SMYD3: variants seen among roughly 807,000 people sequenced by gnomAD.
SMYD3 encodes histone-lysine N-methyltransferase SMYD3.
Under a neutral mutation model 57.7 loss-of-function variants are expected in SMYD3, and 36 were observed. The observed-to-expected ratio is 0.62, with a 90% CI of 0.48 to 0.82. SMYD3 has a LOEUF of 0.82. SMYD3 is among the 40% of genes least tolerant of loss of function. The pLI is 0.00. For missense variants in SMYD3, 515 were observed against 538.8 expected, an observed-to-expected ratio of 0.96 and a Z score of 0.44; for synonymous variants, 211 against 195.0, an observed-to-expected ratio of 1.08 and a Z score of -0.68.
intron 11 of SMYD3, among the ~76,000 whole-genome samples, chr1:245,754,201 A>C (rs1442254307): frequency 6.6e-6 from 1 of 152,218 alleles, no homozygotes; most frequent in African/African-American, 2.4e-5. Flanking sequence ...TCATATATTA[A>C]ATAAAATGAA....
At position 245,850,916 on chromosome 1, in the gene SMYD3, G is replaced by A. The variant is rs147604951; in HGVS notation, c.1076+7580C>T. 5.2e-3 allele frequency among the ~76,000 whole-genome samples: 798 copies of A among 152,208 alleles called. 15 individuals are homozygous for A. Among genetic ancestry groups the A allele is most frequent in the Admixed American group, 0.032 (492 of 15,300 alleles). On this transcript the variant is annotated intron_variant, in intron 10 of 11. Transcript: ENST00000490107. ...CCAAGGCCTGAGCATGCTGGCCCTG[G>A]CTTCTGGGTACCCTTCCAGCTCAGA...
intron 1 of SMYD3, among the ~76,000 whole-genome samples, chr1:246,462,861 TTTAA>T (rs535560088): frequency 6.6e-6 from 1 of 151,900 alleles, no homozygotes; most frequent in Non-Finnish European, 1.5e-5. Flanking sequence ...CAAAATACAT[TTTAA>T]TTGAGTAGAA....
chr1:246,106,225 T>C (rs1462018509), intron 5 of SMYD3, among the ~76,000 whole-genome samples: 3 of 152,204 alleles, frequency 2.0e-5, no homozygotes, highest in Non-Finnish European at 4.4e-5. Flanking sequence ...CATTACATTG[T>C]AGACATCCTT....
At chr1:245,768,661 G>A (rs1039642283) in intron 10 of SMYD3, among the ~76,000 whole-genome samples, 2 of 152,208 alleles carry the variant, frequency 1.3e-5, no homozygotes, top group Non-Finnish European at 2.9e-5. Context: ...AGGTGATTAG[G>A]TCATCAAGGC....
At chr1:246,136,634 A>G (rs548079438) in intron 5 of SMYD3, among the ~76,000 whole-genome samples, 2 of 152,342 alleles carry the variant, frequency 1.3e-5, no homozygotes, top group Admixed American at 6.5e-5. Context: ...CATAACAACC[A>G]GTAGGCAAGA....
At chr1:246,481,804 G>A (rs1558484761) in intron 1 of SMYD3, among the ~76,000 whole-genome samples, 1 of 149,612 alleles carries the variant, frequency 6.7e-6, no homozygotes, top group Admixed American at 6.7e-5. Flanking sequence ...GAGATCGATC[G>A]ATCGATCAAT....
chr1:246,359,650 T>C (rs1178260063), intron 1 of SMYD3, among the ~76,000 whole-genome samples: 1 of 152,224 alleles, frequency 6.6e-6, no homozygotes, highest in African/African-American at 2.4e-5. Context: ...GATGCACGGA[T>C]GGCTTAACAT....
chr1:245,844,605 C>CTTT (rs34767057), intron 10 of SMYD3, among the ~76,000 whole-genome samples: 39,118 of 147,664 alleles, frequency 0.26, 5,670 homozygotes, highest in East Asian at 0.53. Flanking sequence ...TCCTTGGTTT[C>CTTT]TTTTTTTTTT....
rs141298520 is a variant in SMYD3 at position 245,880,747 on chromosome 1, AT to A, written c.814-16862del. The stretch of plus-strand genomic sequence containing the variant: ...TCTCTGCTACACCACACTGCCTCAA[AT>A]ATTCAAGTACTTGAAGACTGGTAGG... On this transcript the variant is annotated intron_variant, in intron 8 of 11. Transcript: ENST00000490107. Among the ~76,000 whole-genome samples the A allele has an allele frequency of 4.4e-3, 677 of 152,318 alleles. 7 individuals carry two copies. Among genetic ancestry groups the A allele is most frequent in the African/African-American group, 0.016 (654 of 41,574 alleles).
intron 5 of SMYD3, among the ~76,000 whole-genome samples, chr1:245,955,677 G>T (rs1342185098): frequency 6.6e-6 from 1 of 152,054 alleles, no homozygotes; most frequent in African/African-American, 2.4e-5. Flanking sequence ...AAACTTTATT[G>T]TAAGTATGTA....
Position 246,202,110 on chromosome 1 carries a change from T to C in SMYD3, c.531+125091A>G, listed in dbSNP as rs2062931678. ...TGTACTGCAAAATAATAATTATTAT[T>C]TCTAGATGGTGAGCTAATGGGTGAT... On this transcript the variant is annotated intron_variant, in intron 5 of 11. Transcript: ENST00000490107. This position sits in a 1 kb window ranked among gnomAD's most constrained non-coding sequence, Gnocchi z 4.1. Among the ~76,000 whole-genome samples, 1 of 152,146 alleles carries C rather than the reference T, an allele frequency of 6.6e-6. No homozygotes were observed. The highest frequency in any genetic ancestry group is 2.4e-5 in the African/African-American group (1 of 41,458).
At chr1:246,058,488 C>T (rs1055255050) in intron 5 of SMYD3, among the ~76,000 whole-genome samples, 14 of 152,270 alleles carry the variant, frequency 9.2e-5, no homozygotes, top group Admixed American at 1.3e-4. Context: ...TGAAGCAGCA[C>T]GTTATCTTAC....
intron 5 of SMYD3, among the ~76,000 whole-genome samples, chr1:246,288,174 A>G (rs1211213074): frequency 7.0e-6 from 1 of 143,370 alleles, no homozygotes; most frequent in African/African-American, 2.6e-5. Flanking sequence ...CCCAAGTTCA[A>G]GCGATTCTTC....
At chr1:246,248,631 C>CTTGTTTTTTGTTTTTTT (rs1309872022) in intron 5 of SMYD3, among the ~76,000 whole-genome samples, 1 of 119,270 alleles carries the variant, frequency 8.4e-6, no homozygotes, top group African/African-American at 3.4e-5. Context: ...AGCTCTCTGA[C>CTTGTTTTTTGTTTTTTT]TTTCCTTTTT....
At chr1:246,370,206 C>T (rs964577722) in intron 1 of SMYD3, among the ~76,000 whole-genome samples, 2 of 152,206 alleles carry the variant, frequency 1.3e-5, no homozygotes, top group African/African-American at 2.4e-5. Context: ...CATCGCATAA[C>T]GTCCCGGGTG....
At chr1:246,128,941 C>T (rs868048492) in intron 5 of SMYD3, among the ~76,000 whole-genome samples, 1 of 151,992 alleles carries the variant, frequency 6.6e-6, no homozygotes, top group African/African-American at 2.4e-5. Context: ...GTAGCTGGAA[C>T]TACAAGCACA....
intron 11 of SMYD3, among the ~76,000 whole-genome samples, chr1:245,758,936 C>T (rs772848091): frequency 2.6e-5 from 4 of 152,158 alleles, no homozygotes; most frequent in Non-Finnish European, 5.9e-5. Context: ...TTTACCTCAA[C>T]CTGCTTTAGC....
chr1:246,384,666 A>G lies in SMYD3; in HGVS notation c.165-29572T>C, dbSNP rs547260457. ...CCCGCCTCGGCCTCCCAAAGTGCTG[A>G]GATTACAGGCGTGAGCCACTGCACC... On this transcript the variant is annotated intron_variant, in intron 1 of 11. Transcript: ENST00000490107. Among the ~76,000 whole-genome samples the G allele has an allele frequency of 3.3e-4, 51 of 152,270 alleles. No individual in the cohort carries two copies. In the South Asian group the frequency reaches 4.6e-3, roughly 14 times the overall value.
chr1:246,003,741 T>C (rs1341945515), intron 5 of SMYD3, among the ~76,000 whole-genome samples: 1 of 152,256 alleles, frequency 6.6e-6, no homozygotes, highest in Non-Finnish European at 1.5e-5. Flanking sequence ...AAATTTATTA[T>C]AATATGTAAT....
Sources: gnomAD v4.1 joint callset for allele counts (sites outside exome capture counted in the v4.1 genomes callset) on GRCh38, gnomAD v4.1.1 for gene constraint, Gnocchi (gnomAD v3.1) non-coding constraint, MANE v1.5 for transcripts, NCBI Gene and HGNC (gene_info 2026-07-23, HGNC 2026-07-21) for gene names.